The following NRP1 variants were observed in gnomAD, a reference collection of about 807,000 sequenced individuals.
NRP1 encodes neuropilin-1.
A neutral mutation model predicts 106.7 loss-of-function variants in NRP1; 35 were observed. That is an observed-to-expected ratio of 0.33 (90% CI 0.25 to 0.43). NRP1 has a LOEUF of 0.43. Ranked by LOEUF, NRP1 falls within the 20% of genes least tolerant of loss-of-function variation. NRP1 has a pLI of 1.00. For missense variants in NRP1, 1,024 were observed against 1,170.4 expected (o/e 0.87, Z 1.83); for synonymous variants, 437 against 417.9 (o/e 1.05, Z -0.56).
At position 33,213,397 on chromosome 10, in the gene NRP1, G is replaced by A. The variant is rs757164139; in HGVS notation, c.1603C>T (p.Arg535Cys). Residue 535 changes from arginine (R) to cysteine (C), a missense_variant, in exon 9 of 17, where the codon CGC (arginine) becomes TGC (cysteine). Arg to Cys is a radical substitution (Grantham distance 180, BLOSUM62 -3). Transcript: ENST00000374867. ...DWKMIMDDSK[R>C]KAKSFEGNNN... The stretch of plus-strand genomic sequence containing the variant: ...TCCCCAGCCCTCACCTTCGCCTTGC[G>A]TTTGCTGTCATCCATGATCATCTTC... The A allele has an allele frequency of 2.7e-5, 44 of 1,613,918 alleles. No homozygotes were observed. The highest frequency in any genetic ancestry group is 4.5e-5 in the East Asian group (2 of 44,846).
At chr10:33,248,520 CT>C (rs1324331986) in intron 6 of NRP1, among the ~76,000 whole-genome samples, 1 of 149,504 alleles carries the variant, frequency 6.7e-6, no homozygotes, top group East Asian at 2.1e-4. Context: ...GCCCATCTCC[CT>C]ACCACACTAA....
Position 33,188,936 on chromosome 10 carries a change from T to TATATATATATATATATAA in NRP1, c.2063-2449_2063-2448insTTATATATATATATATAT, listed in dbSNP as rs543920885. On this transcript the variant is annotated intron_variant, in intron 13 of 16. Transcript: ENST00000374867. The stretch of plus-strand genomic sequence containing the variant: ...ATATATATATATATATATATATATA[T>TATATATATATATATATAA]AAATTAAAACTGCTCGTGTTGCTCC... Among the ~76,000 whole-genome samples the TATATATATATATATATAA allele has an allele frequency of 3.1e-3, 438 of 143,250 alleles. 9 individuals carry two copies. Among genetic ancestry groups the TATATATATATATATATAA allele is most frequent in the African/African-American group, 0.011 (420 of 37,416 alleles). 94.0% of individuals were successfully genotyped at this position (143,250 alleles called of 152,430 possible). A position where few individuals can be genotyped will look rare whatever the true frequency, so the allele number is the denominator to read the frequency against.
chr10:33,222,529 TTATTTA>T lies in NRP1; in HGVS notation c.1138-672_1138-667del, dbSNP rs1391201033. Among the ~76,000 whole-genome samples the T allele has an allele frequency of 7.9e-5, 9 of 113,514 alleles. No homozygotes were observed. In the East Asian group the frequency reaches 2.4e-3, roughly 30 times the overall value. The allele number at this position is 113,514 out of a possible 152,430, so 74.5% of individuals were successfully genotyped here. A position where few individuals can be genotyped will look rare whatever the true frequency, so the allele number is the denominator to read the frequency against. On this transcript the variant is annotated intron_variant, in intron 7 of 16. Coordinates refer to ENST00000374867, the MANE Select transcript of NRP1 (RefSeq NM_003873.7). ...TTTATTTATTTATTTATTTATTTAT[TTATTTA>T]TTTAAGATGGAGTCTCGCTCTGTTA...
chr10:33,297,661 T>C (rs1490968005), intron 2 of NRP1, among the ~76,000 whole-genome samples: 2 of 137,582 alleles, frequency 1.5e-5, no homozygotes, highest in East Asian at 4.2e-4. Context: ...CACTCCAGTC[T>C]GGGAGACAGA....
At chr10:33,275,101 T>C (rs1843589866) in intron 2 of NRP1, among the ~76,000 whole-genome samples, 1 of 152,226 alleles carries the variant, frequency 6.6e-6, no homozygotes, top group Non-Finnish European at 1.5e-5. Context: ...TCTGCATCTA[T>C]GTTTCTGAGT....
intron 6 of NRP1, among the ~76,000 whole-genome samples, chr10:33,239,849 G>A (rs554361043): frequency 1.3e-5 from 2 of 152,288 alleles, no homozygotes; most frequent in South Asian, 4.1e-4. Context: ...TCCACAGGAT[G>A]TTTATGTATC....
chr10:33,280,260 C>G (rs1294726899), intron 2 of NRP1, among the ~76,000 whole-genome samples: 1 of 152,102 alleles, frequency 6.6e-6, no homozygotes, highest in East Asian at 1.9e-4. Flanking sequence ...TCTGATTTAG[C>G]TCAGATTATA....
chr10:33,190,819 G>C (rs1298003331), intron 13 of NRP1, among the ~76,000 whole-genome samples: 2 of 151,818 alleles, frequency 1.3e-5, no homozygotes, highest in Non-Finnish European at 2.9e-5. Flanking sequence ...TGTGTGTTGG[G>C]CCAGACATGG....
At chr10:33,249,384 T>TAGATCAC in intron 6 of NRP1, 1 of 485,448 alleles carries the variant, frequency 2.1e-6, no homozygotes, top group Non-Finnish European at 4.1e-6. Context: ...CTGAGATTCA[T>TAGATCAC]AGATCACAGA....
At chr10:33,214,251 C>T (rs2506155) in intron 8 of NRP1, among the ~76,000 whole-genome samples, 1 of 151,988 alleles carries the variant, frequency 6.6e-6, no homozygotes, top group Non-Finnish European at 1.5e-5. Context: ...CATGATCCCC[C>T]ACAACTGTTC....
intron 10 of NRP1, among the ~76,000 whole-genome samples, chr10:33,205,154 A>G (rs118054914): frequency 0.01 from 1,585 of 152,380 alleles, 11 homozygotes; most frequent in Non-Finnish European, 0.018. Flanking sequence ...AACAAGGCAC[A>G]CAGTAGATAC....
chr10:33,203,098 G>T, intron 10 of NRP1, 103 bp from the exon 11 acceptor site: 3 of 1,144,032 alleles, frequency 2.6e-6, no homozygotes, highest in Non-Finnish European at 3.7e-6. Flanking sequence ...TTTAATCTGC[G>T]GTAAGAAGAC....
At chr10:33,286,733 C>T (rs1230178024) in intron 2 of NRP1, among the ~76,000 whole-genome samples, 1 of 152,152 alleles carries the variant, frequency 6.6e-6, no homozygotes, top group Non-Finnish European at 1.5e-5. Context: ...CCAAGAACTC[C>T]AAATTCTGGA....
intron 7 of NRP1, 73 bp downstream of exon 7, chr10:33,226,061 C>A: frequency 6.6e-7 from 1 of 1,511,720 alleles, no homozygotes; most frequent in Admixed American, 1.7e-5. Flanking sequence ...CAGAAAGCTA[C>A]CAAACAAACA....
chr10:33,203,537 A>G (rs1195340264), intron 10 of NRP1, among the ~76,000 whole-genome samples: 2 of 151,998 alleles, frequency 1.3e-5, no homozygotes, highest in Admixed American at 1.3e-4. Context: ...CAGTGATTCC[A>G]TTTCTCTGTA....
intron 6 of NRP1, among the ~76,000 whole-genome samples, chr10:33,246,866 A>G (rs1303098482): frequency 6.6e-6 from 1 of 152,182 alleles, no homozygotes; most frequent in Non-Finnish European, 1.5e-5. Context: ...ACCTGGTCCT[A>G]TGTATGCTCT....
At position 33,330,886 on chromosome 10, in the gene NRP1, C is replaced by G. The variant is rs74129660; in HGVS notation, c.74-4G>C. ...TTTATAGTATCGCCACATTTATCTG[C>G]AATGAAAGTAAGATTTTAGCAGATC... On this transcript the variant is annotated splice_region_variant and splice_polypyrimidine_tract_variant and intron_variant, in intron 1 of 16. Coordinates refer to ENST00000374867, the MANE Select transcript of NRP1 (RefSeq NM_003873.7). 3.8e-5 allele frequency: 61 copies of G among 1,595,038 alleles called. No homozygotes were observed. In the African/African-American group the frequency reaches 7.5e-4, roughly 20 times the overall value.
chr10:33,256,427 G>T lies in NRP1; in HGVS notation c.703C>A (p.Arg235=), dbSNP rs1371787655. The T allele has an allele frequency of 1.2e-6, 2 of 1,614,146 alleles. No individual in the cohort carries two copies. The highest frequency in any genetic ancestry group is 1.7e-5 in the Admixed American group (1 of 60,022). Residue 235 remains arginine (R), a synonymous_variant, in exon 5 of 17, where the codon CGA becomes AGA. Coordinates refer to ENST00000374867, the MANE Select transcript of NRP1 (RefSeq NM_003873.7). ...AGAATGCCCGATGAGGATCGGATTCGACCTGGTGTTTTCTGTCCACAGTAA... is the reference window on the plus strand; with the variant it reads ...AGAATGCCCGATGAGGATCGGATTCTACCTGGTGTTTTCTGTCCACAGTAA... ...GRYCGQKTPG[R]IRSSSGILSM...
At chr10:33,322,787 C>T (rs1304614264) in intron 2 of NRP1, among the ~76,000 whole-genome samples, 1 of 152,172 alleles carries the variant, frequency 6.6e-6, no homozygotes, top group Admixed American at 6.5e-5. Flanking sequence ...TAAGTCCTTC[C>T]TCAGAATTAG....
Sources: gnomAD v4.1 joint callset for allele counts (sites outside exome capture counted in the v4.1 genomes callset) on GRCh38, gnomAD v4.1.1 for gene constraint, MANE v1.5 for transcripts, NCBI Gene and HGNC (gene_info 2026-07-23, HGNC 2026-07-21) for gene names.